MICALL1: variants seen among roughly 807,000 people sequenced by gnomAD.
MICALL1 encodes the protein MICAL-like protein 1.
Under a neutral mutation model 83.7 loss-of-function variants are expected in MICALL1, and 61 were observed. The observed-to-expected ratio is 0.73, with a 90% CI of 0.59 to 0.90. MICALL1 has a LOEUF of 0.90. Among genes scored for constraint, MICALL1 ranks in the 40% least tolerant of loss-of-function variants. The pLI, the probability that MICALL1 is intolerant of heterozygous loss-of-function variation, is 0.00. For synonymous variants in MICALL1, 481 were observed against 473.6 expected (o/e 1.02, Z -0.20); for missense variants, 1,066 against 1,152.0 (o/e 0.93, Z 1.08).
At position 37,927,528 on chromosome 22, in the gene MICALL1, T is replaced by C; in HGVS notation, c.1583T>C (p.Leu528Pro). ...AGCCAGACTGCAGGTGCAGAGCTTCTGGAGCCGCCAGCTGTGCCCAAGAGC... is the reference window on the plus strand; with the variant it reads ...AGCCAGACTGCAGGTGCAGAGCTTCCGGAGCCGCCAGCTGTGCCCAAGAGC... ...SASQTAGAEL[L>P]EPPAVPKSSS... Residue 528 changes from leucine to proline, a missense_variant, in exon 9 of 16, where the codon CTG (leucine) becomes CCG (proline). Coordinates refer to ENST00000215957, the MANE Select transcript of MICALL1 (RefSeq NM_033386.4). The C allele has an allele frequency of 6.2e-7, 1 of 1,613,518 alleles. No homozygotes were observed. The highest frequency in any genetic ancestry group is 2.2e-5 in the East Asian group (1 of 44,858).
intron 13 of MICALL1, 111 bp from the exon 14 acceptor site, chr22:37,936,969 T>G: frequency 3.9e-6 from 3 of 760,358 alleles, no homozygotes; most frequent in East Asian, 2.8e-5. Context: ...GTTTCTTGCA[T>G]GGTATTTAGC....
intron 13 of MICALL1, among the ~76,000 whole-genome samples, chr22:37,936,289 C>T (rs1482206360): frequency 1.3e-5 from 2 of 152,214 alleles, no homozygotes; most frequent in Non-Finnish European, 2.9e-5. Flanking sequence ...CTACCTTCCT[C>T]CACAGCCTTG....
At chr22:37,914,329 C>T (rs1161257113) in intron 3 of MICALL1, among the ~76,000 whole-genome samples, 1 of 150,734 alleles carries the variant, frequency 6.6e-6, no homozygotes, top group Non-Finnish European at 1.5e-5. Context: ...CGGGTTCAAG[C>T]GATTCTCCTG....
rs550581298 is a variant in MICALL1 at position 37,925,738 on chromosome 22, C to T, written c.1160C>T (p.Pro387Leu). Residue 387 changes from proline (P) to leucine (L), a missense_variant, in exon 8 of 16, where the codon CCC becomes CTC. Physicochemically the swap from Pro to Leu is moderately conservative, Grantham distance 98. Coordinates refer to ENST00000215957, the MANE Select transcript of MICALL1 (RefSeq NM_033386.4). ...CCAAAGAAGAAGCCAGCCCCACTTC[C>T]CCCAAGCAGCAGCCCGGGGCCACCA... ...AEPKKKPAPL[P>L]PSSSPGPPSQ... 3 of 1,612,386 alleles carry T rather than the reference C, an allele frequency of 1.9e-6. No homozygotes were observed. The highest frequency in any genetic ancestry group is 1.1e-5 in the South Asian group (1 of 90,994).
chr22:37,933,192 A>C, intron 13 of MICALL1, 80 bp downstream of exon 13: 1 of 1,433,910 alleles, frequency 7.0e-7, no homozygotes. Context: ...GGGCAGACAA[A>C]ACCCCAGTAG....
chr22:37,921,290 G>A (rs1289938706), intron 5 of MICALL1, among the ~76,000 whole-genome samples: 2 of 151,784 alleles, frequency 1.3e-5, no homozygotes, highest in Non-Finnish European at 2.9e-5. Context: ...AAACACAGCC[G>A]GAAGTAGTGG....
chr22:37,939,746 C>T (rs12165746), intron 15 of MICALL1, among the ~76,000 whole-genome samples: 45,917 of 142,254 alleles, frequency 0.32, 7,762 homozygotes, highest in Middle Eastern at 0.38. Flanking sequence ...TGCATTCCAG[C>T]CTGGGCGACA....
intron 9 of MICALL1, among the ~76,000 whole-genome samples, chr22:37,929,733 G>C (rs1026643907): frequency 1.3e-5 from 2 of 152,216 alleles, no homozygotes; most frequent in Non-Finnish European, 2.9e-5. Context: ...CAGTTCATGA[G>C]GGCCCTGTCT....
chr22:37,936,600 T>C (rs1327562110), intron 13 of MICALL1, among the ~76,000 whole-genome samples: 1 of 152,106 alleles, frequency 6.6e-6, no homozygotes, highest in East Asian at 1.9e-4. Flanking sequence ...CCCTAAGAAC[T>C]TGTAGGCCCT....
At chr22:37,926,131 A>G in intron 8 of MICALL1, 88 bp downstream of exon 8, 1 of 1,448,228 alleles carries the variant, frequency 6.9e-7, no homozygotes, top group South Asian at 1.4e-5. Context: ...GGCAGAGCCT[A>G]CCAGGCCAGG....
rs868160630 is a variant in MICALL1, at chr22:37,932,333, C to T, written c.2017-220C>T. Among the ~76,000 whole-genome samples the T allele has an allele frequency of 6.6e-6, 1 of 152,302 alleles. No homozygotes were observed. The highest frequency in any genetic ancestry group is 2.1e-4 in the South Asian group (1 of 4,826). On this transcript the variant is annotated intron_variant, in intron 10 of 15. Coordinates refer to ENST00000215957, the MANE Select transcript of MICALL1 (RefSeq NM_033386.4). The surrounding 1 kb of genome is among the most constrained non-coding windows in gnomAD (Gnocchi z 4.4). ...CGTGAAGGGCAGGGAGTCATGCCAC[C>T]TTCTGGAGTGTCTGTTGGTGCTGGG...
In MICALL1 at chr22:37,924,547, G is replaced by A; in HGVS notation, c.1025-113G>A. On this transcript the variant is annotated intron_variant, in intron 6 of 15. Transcript: ENST00000215957. This position sits in a 1 kb window ranked among gnomAD's most constrained non-coding sequence, Gnocchi z 5.2. ...ATGGGCTGGCCTGGGGAGGTGCGAG[G>A]GTGCCAGGAGGAAGGCGGGGCGCTC... 2.0e-6 allele frequency: 2 copies of A among 993,988 alleles called. No individual in the cohort carries two copies. Among genetic ancestry groups the A allele is most frequent in the Non-Finnish European group, 3.0e-6 (2 of 657,702 alleles). The allele number at this position is 993,988 out of a possible 1,614,324, so 61.6% of individuals were successfully genotyped here. A position where few individuals can be genotyped will look rare whatever the true frequency, so the allele number is the denominator to read the frequency against.
rs1450496544 is a variant in MICALL1 at position 37,924,592 on chromosome 22, G to A, written c.1025-68G>A. The A allele has an allele frequency of 6.6e-7, 1 of 1,522,214 alleles. No individual in the cohort carries two copies. Among genetic ancestry groups the A allele is most frequent in the African/African-American group, 1.4e-5 (1 of 72,832 alleles). 94.3% of individuals were successfully genotyped at this position (1,522,214 alleles called of 1,614,324 possible). Reference sequence around the variant, plus strand: ...GCGCTCCTGGGGAGGCAGGTGCTGTGGCTGGCTCCCTGGGTGCCCACCTCC... The same window carrying A: ...GCGCTCCTGGGGAGGCAGGTGCTGTAGCTGGCTCCCTGGGTGCCCACCTCC... On this transcript the variant is annotated intron_variant, in intron 6 of 15. Transcript: ENST00000215957. This position sits in a 1 kb window ranked among gnomAD's most constrained non-coding sequence, Gnocchi z 5.2.
rs5995520 is a variant in MICALL1 at position 37,922,497 on chromosome 22, T to C, written c.1024+71T>C. ...CTGTCTATTGAAAAGTCTGTGTGTCTGGGAGTGTTGGTGGGCCCCTCTCCA... is the reference window on the plus strand; with the variant it reads ...CTGTCTATTGAAAAGTCTGTGTGTCCGGGAGTGTTGGTGGGCCCCTCTCCA... On this transcript the variant is annotated intron_variant, in intron 6 of 15. Transcript: ENST00000215957. 3.2e-3 allele frequency: 3,991 copies of C among 1,231,154 alleles called. 95 individuals are homozygous for C. In the African/African-American group the frequency reaches 0.054, roughly 17 times the overall value. 76.3% of individuals were successfully genotyped at this position (1,231,154 alleles called of 1,614,324 possible). A position where few individuals can be genotyped will look rare whatever the true frequency, so the allele number is the denominator to read the frequency against.
chr22:37,919,856 G>A (rs539036671), intron 5 of MICALL1, among the ~76,000 whole-genome samples: 9 of 152,022 alleles, frequency 5.9e-5, no homozygotes, highest in South Asian at 2.1e-4. Context: ...GGGTGTGGTC[G>A]TGGGCACCTG....
chr22:37,937,338 C>T, intron 14 of MICALL1, 144 bp downstream of exon 14: 2 of 660,796 alleles, frequency 3.0e-6, no homozygotes, highest in South Asian at 4.0e-5. Context: ...TACCAGCGAT[C>T]CCAGTGCACC....
Position 37,927,628 on chromosome 22 carries a change from C to T in MICALL1, c.1683C>T (p.Ala561=), listed in dbSNP as rs554001124. ...GCCTCTCTACCAACTCCTCCCTGGC[C>T]TCCTCTGGGGAACTAGTGGAGCCTA... ...PVSLSTNSSL[A]SSGELVEPRV... The change falls in exon 9 of 16, where the codon GCC becomes GCT. Residue 561 remains alanine, a synonymous_variant. Coordinates refer to ENST00000215957, the MANE Select transcript of MICALL1 (RefSeq NM_033386.4). 13 of 1,614,064 alleles carry T rather than the reference C, an allele frequency of 8.1e-6. No homozygotes were observed. The East Asian group carries it at 2.5e-4, about 30-fold the overall frequency.
chr22:37,929,937 GGCTCTGCCTCCCACCT>G (rs1929698319), intron 9 of MICALL1, among the ~76,000 whole-genome samples: 1 of 152,200 alleles, frequency 6.6e-6, no homozygotes. Context: ...CATTGATTCT[GGCTCTGCCTCCCACCT>G]GCTGTGTGTC....
chr22:37,935,511 G>A (rs940460475), intron 13 of MICALL1, among the ~76,000 whole-genome samples: 36 of 145,026 alleles, frequency 2.5e-4, no homozygotes, highest in African/African-American at 2.6e-4. Context: ...CGCCCACCTC[G>A]GCCTCCCAAA....
Sources: gnomAD v4.1 joint callset for allele counts (sites outside exome capture counted in the v4.1 genomes callset) on GRCh38, gnomAD v4.1.1 for gene constraint, Gnocchi (gnomAD v3.1) non-coding constraint, MANE v1.5 for transcripts, NCBI Gene and HGNC (gene_info 2026-07-23, HGNC 2026-07-21) for gene names.